XPO5: variants seen among roughly 807,000 people sequenced by gnomAD.
The protein encoded by XPO5 is exportin 5, also known as exportin-5.
Under a neutral mutation model 160.6 loss-of-function variants are expected in XPO5, and 46 were observed. The observed-to-expected ratio is 0.29, with a 90% confidence interval of 0.23 to 0.37. XPO5 has a LOEUF of 0.37. XPO5 is among the 10% of genes least tolerant of loss of function. XPO5 has a pLI of 1.00. For synonymous variants in XPO5, 537 were observed against 519.3 expected (o/e 1.03, Z -0.46); for missense variants, 1,090 against 1,463.9 (o/e 0.74, Z 4.17).
rs771702250 is a variant in XPO5, at chr6:43,551,362, T to G, written c.1664A>C (p.Asn555Thr). ...GACAAATGGAAAGAGTGCAGAGACA[T>G]TAGTAAGGACGCAGGACAGGATGAG... Reference protein sequence around the residue: ...DPLILSCVLTNVSALFPFVTY... With the variant: ...DPLILSCVLTTVSALFPFVTY... The change falls in exon 15 of 32, where the codon AAT becomes ACT. Residue 555 changes from asparagine to threonine, a missense_variant. Physicochemically the swap from Asn to Thr is moderately conservative, Grantham distance 65 (BLOSUM62 0). Coordinates refer to ENST00000265351, the MANE Select transcript of XPO5 (RefSeq NM_020750.3). 27 of 1,613,672 alleles carry G rather than the reference T, an allele frequency of 1.7e-5. No individual in the cohort carries two copies. Among genetic ancestry groups the G allele is most frequent in the Non-Finnish European group, 2.1e-5 (25 of 1,179,832 alleles).
chr6:43,555,896 T>C lies in XPO5; in HGVS notation c.1381A>G (p.Met461Val), dbSNP rs377017230. 1.2e-6 allele frequency: 2 copies of C among 1,613,974 alleles called. No homozygotes were observed. The highest frequency in any genetic ancestry group is 2.2e-5 in the East Asian group (1 of 44,872). The change falls in exon 13 of 32, where the codon ATG becomes GTG. Residue 461 changes from methionine to valine, a missense_variant. Physicochemically the swap from Met to Val is conservative, Grantham distance 21. Coordinates refer to ENST00000265351, the MANE Select transcript of XPO5 (RefSeq NM_020750.3). ...CRLDPKTSFQMAGEWLKYQLS... is the reference protein window; with the variant it reads ...CRLDPKTSFQVAGEWLKYQLS... ...TGATACTTTAGCCACTCCCCAGCCATCTGGAAGCTAGTTTTGGGATCCAAA... is the reference window on the plus strand; with the variant it reads ...TGATACTTTAGCCACTCCCCAGCCACCTGGAAGCTAGTTTTGGGATCCAAA...
chr6:43,529,435 T>A, intron 23 of XPO5: 1 of 324,600 alleles, frequency 3.1e-6, no homozygotes, highest in Non-Finnish European at 5.8e-6. Context: ...GCGCCTGTAG[T>A]CCCAGCTACT....
chr6:43,546,096 TAA>T (rs1794951956), intron 20 of XPO5, among the ~76,000 whole-genome samples: 1 of 152,194 alleles, frequency 6.6e-6, no homozygotes, highest in African/African-American at 2.4e-5. Flanking sequence ...GAAAAATTTA[TAA>T]TTCCTTTGTT....
At chr6:43,552,325 G>A (rs1406969092) in intron 14 of XPO5, among the ~76,000 whole-genome samples, 1 of 152,020 alleles carries the variant, frequency 6.6e-6, no homozygotes, top group African/African-American at 2.4e-5. Context: ...CCACGTGCTA[G>A]GATTACAGGC....
intron 17 of XPO5, 61 bp downstream of exon 17, chr6:43,549,428 G>A: frequency 6.7e-7 from 1 of 1,494,330 alleles, no homozygotes; most frequent in Non-Finnish European, 9.0e-7. Context: ...TACACTGAAA[G>A]CTGGATTTAC....
Position 43,575,671 on chromosome 6 carries a change from G to C in XPO5, c.105+89C>G. ...AGGAGGTCCAGGGGCCGCGTGGGCG[G>C]GAGACTACCCCAGTTACAGGCGGCG... On this transcript the variant is annotated intron_variant, in intron 1 of 31. Coordinates refer to ENST00000265351, the MANE Select transcript of XPO5 (RefSeq NM_020750.3). 9 of 1,219,190 alleles carry C rather than the reference G, an allele frequency of 7.4e-6. 1 individual carries two copies. The highest frequency in any genetic ancestry group is 8.2e-6 in the Non-Finnish European group (7 of 851,296). 75.5% of individuals were successfully genotyped at this position (1,219,190 alleles called of 1,614,324 possible). A position where few individuals can be genotyped will look rare whatever the true frequency, so the allele number is the denominator to read the frequency against.
intron 20 of XPO5, chr6:43,539,552 C>T (rs1454256413): frequency 1.4e-5 from 20 of 1,402,004 alleles, no homozygotes; most frequent in Admixed American, 3.5e-5. Flanking sequence ...CTTGCCTCCG[C>T]GAGCTCCGCG....
Position 43,576,000 on chromosome 6 carries a change from A to G in XPO5, c.-136T>C. ...GGTGGGAAGCTGGAGGAGGAGCGTT[A>G]GCAGCAACTCGCGCTGGGAAGAAGC... On this transcript the variant is annotated 5_prime_UTR_variant, in exon 1 of 32. Coordinates refer to ENST00000265351, the MANE Select transcript of XPO5 (RefSeq NM_020750.3). 1.3e-6 allele frequency: 1 copy of G among 746,140 alleles called. No homozygotes were observed. Among genetic ancestry groups the G allele is most frequent in the Non-Finnish European group, 2.1e-6 (1 of 465,456 alleles). The allele number at this position is 746,140 out of a possible 1,614,324, so 46.2% of individuals were successfully genotyped here. A position where few individuals can be genotyped will look rare whatever the true frequency, so the allele number is the denominator to read the frequency against.
At position 43,551,318 on chromosome 6, in the gene XPO5, G is replaced by A; in HGVS notation, c.1708C>T (p.Leu570=). ...TATACCTTAGAGAAGACCTGGGGCAGGAACTCTGGTCTGTAGGTGACAAAT... is the reference window on the plus strand; with the variant it reads ...TATACCTTAGAGAAGACCTGGGGCAAGAACTCTGGTCTGTAGGTGACAAAT... The part of the protein sequence containing the change: ...FPFVTYRPEF[L]PQVFSKLFSS... The change falls in exon 15 of 32, where the codon CTG becomes TTG. Residue 570 remains leucine (L), a synonymous_variant. Coordinates refer to ENST00000265351, the MANE Select transcript of XPO5 (RefSeq NM_020750.3). The A allele has an allele frequency of 1.9e-6, 3 of 1,613,072 alleles. No individual in the cohort carries two copies. The highest frequency in any genetic ancestry group is 2.5e-6 in the Non-Finnish European group (3 of 1,179,498).
At chr6:43,543,822 G>A (rs1236176481) in intron 20 of XPO5, among the ~76,000 whole-genome samples, 2 of 151,744 alleles carry the variant, frequency 1.3e-5, no homozygotes, top group Admixed American at 6.6e-5. Flanking sequence ...GATTACAGGC[G>A]CCCGCCACCA....
At chr6:43,566,486 GAA>G (rs1224709341) in intron 7 of XPO5, among the ~76,000 whole-genome samples, 2 of 151,904 alleles carry the variant, frequency 1.3e-5, no homozygotes, top group African/African-American at 4.8e-5. Flanking sequence ...TTCCTATGGA[GAA>G]AAGAGTCACA....
chr6:43,527,076 C>A, intron 26 of XPO5: 2 of 265,984 alleles, frequency 7.5e-6, no homozygotes, highest in East Asian at 7.4e-5. Flanking sequence ...AGAAAATTAA[C>A]AGCCTCCATG....
At chr6:43,567,375 T>A (rs1245214449) in intron 6 of XPO5, 21 bp from the exon 7 acceptor site, 1 of 1,585,676 alleles carries the variant, frequency 6.3e-7, no homozygotes, top group Non-Finnish European at 8.6e-7. Context: ...AGAAGTAACT[T>A]TGGACCATGA....
chr6:43,526,670 C>G lies in XPO5; in HGVS notation c.2983+15G>C. 1 of 1,613,706 alleles carries G rather than the reference C, an allele frequency of 6.2e-7. No homozygotes were observed. Among genetic ancestry groups the G allele is most frequent in the African/African-American group, 1.3e-5 (1 of 75,048 alleles). On this transcript the variant is annotated intron_variant, in intron 27 of 31. Transcript: ENST00000265351. ...GGCTAAGAGCAGAACTCCAAGGTCT[C>G]ACAGGCTCACTTACCGTCTCCATCT...
At chr6:43,542,072 C>T (rs181217890) in intron 20 of XPO5, among the ~76,000 whole-genome samples, 115 of 152,184 alleles carry the variant, frequency 7.6e-4, no homozygotes, top group Non-Finnish European at 1.3e-3. Flanking sequence ...CATGAGCCAC[C>T]GCACCCGGCC....
intron 23 of XPO5, chr6:43,529,173 A>T (rs1164019096): frequency 1.2e-5 from 18 of 1,479,492 alleles, no homozygotes; most frequent in Non-Finnish European, 1.5e-5. Context: ...ACTGGCCCAA[A>T]AAGTAGGAAT....
chr6:43,546,496 T>C (rs1044994867), intron 20 of XPO5, 75 bp downstream of exon 20: 39 of 1,450,302 alleles, frequency 2.7e-5, no homozygotes, highest in Non-Finnish European at 3.2e-5. Flanking sequence ...TATGAAGACA[T>C]GTAAACAGAC....
intron 11 of XPO5, among the ~76,000 whole-genome samples, chr6:43,559,224 G>A (rs1762274477): frequency 6.6e-6 from 1 of 152,146 alleles, no homozygotes; most frequent in Admixed American, 6.5e-5. Flanking sequence ...TTGAACCCAG[G>A]AGGCAGAGGT....
rs1355701855 is a variant in XPO5 at position 43,523,323 on chromosome 6, ACTGAC to A, written c.*540_*544del. 8.3e-6 allele frequency: 2 copies of A among 240,300 alleles called. No individual in the cohort carries two copies. Among genetic ancestry groups the A allele is most frequent in the African/African-American group, 4.5e-5 (2 of 44,400 alleles). The allele number at this position is 240,300 out of a possible 1,614,324, so 14.9% of individuals were successfully genotyped here. A position where few individuals can be genotyped will look rare whatever the true frequency, so the allele number is the denominator to read the frequency against. On this transcript the variant is annotated 3_prime_UTR_variant, in exon 32 of 32. Coordinates refer to ENST00000265351, the MANE Select transcript of XPO5 (RefSeq NM_020750.3). ...TCTTGCCCAAAGCAAAGTTGAGAGA[ACTGAC>A]CAAGTTCTCTTCAGCACTTAGCACC...
Sources: allele counts gnomAD v4.1 joint callset (sites outside exome capture counted in the v4.1 genomes callset), GRCh38; gene constraint gnomAD v4.1.1; transcripts MANE v1.5; gene names NCBI Gene and HGNC (gene_info 2026-07-23, HGNC 2026-07-21).